PRUNE2: variants seen among roughly 807,000 people sequenced by gnomAD.
The protein encoded by PRUNE2 is protein prune homolog 2.
A neutral mutation model predicts 252.0 loss-of-function variants in PRUNE2; 164 were observed. That is an observed-to-expected ratio of 0.65 (90% CI 0.57 to 0.74). PRUNE2 has a LOEUF of 0.74. PRUNE2 is among the 30% of genes least tolerant of loss of function. The pLI is 0.00. For missense variants in PRUNE2, 3,495 were observed against 3,711.0 expected (o/e 0.94, Z 1.51); for synonymous variants, 1,292 against 1,350.2 (o/e 0.96, Z 0.94).
chr9:76,809,319 AT>A (rs905105300), intron 6 of PRUNE2, among the ~76,000 whole-genome samples: 7 of 152,124 alleles, frequency 4.6e-5, no homozygotes, highest in African/African-American at 1.7e-4. Context: ...CTACTCAATA[AT>A]TTTTTTATTG....
At chr9:76,720,777 G>A (rs1015576172) in intron 6 of PRUNE2, among the ~76,000 whole-genome samples, 1 of 152,134 alleles carries the variant, frequency 6.6e-6, no homozygotes, top group African/African-American at 2.4e-5. Flanking sequence ...AGTCATTTAA[G>A]TGATTTACAT....
At chr9:76,652,309 A>ATAC (rs1217309153) in intron 11 of PRUNE2, 174 bp downstream of exon 11, 1 of 604,866 alleles carries the variant, frequency 1.7e-6, no homozygotes, top group African/African-American at 1.8e-5. Flanking sequence ...TCTGTGACCC[A>ATAC]TACTTTCTCT....
In PRUNE2 at chr9:76,850,468, C is replaced by T. The variant is rs2059899576; in HGVS notation, c.339G>A (p.Leu113=). 2.5e-6 allele frequency: 4 copies of T among 1,613,498 alleles called. No homozygotes were observed. The highest frequency in any genetic ancestry group is 3.4e-6 in the Non-Finnish European group (4 of 1,179,388). ...LSITLVGSSV[L]ASEDKTLESA... ...AGCTTCACAGTGGATCTTACCTCGC[C>T]AGCACACTGCTGCCAACAAGTGTTA... The change falls in exon 3 of 19, where the codon CTG becomes CTA. Residue 113 remains leucine, a synonymous_variant. Coordinates refer to ENST00000376718, the MANE Select transcript of PRUNE2 (RefSeq NM_015225.3).
At chr9:76,863,745 T>C (rs753324382) in intron 1 of PRUNE2, among the ~76,000 whole-genome samples, 15 of 152,194 alleles carry the variant, frequency 9.9e-5, no homozygotes, top group Non-Finnish European at 1.8e-4. Context: ...GCAGCCTAGG[T>C]TCCCTAGCTC....
At chr9:76,794,568 T>G (rs886474844) in intron 6 of PRUNE2, among the ~76,000 whole-genome samples, 1 of 136,248 alleles carries the variant, frequency 7.3e-6, no homozygotes, top group African/African-American at 2.8e-5. Flanking sequence ...TGAGCCCAGA[T>G]CGCACCACTG....
chr9:76,883,760 A>G (rs2061927649), intron 1 of PRUNE2, among the ~76,000 whole-genome samples: 1 of 152,164 alleles, frequency 6.6e-6, no homozygotes, highest in Non-Finnish European at 1.5e-5. Context: ...TTGCAAACTG[A>G]CAAAAGTGGC....
At chr9:76,723,953 G>T (rs373325831) in intron 6 of PRUNE2, among the ~76,000 whole-genome samples, 1 of 151,350 alleles carries the variant, frequency 6.6e-6, no homozygotes, top group East Asian at 2.0e-4. Flanking sequence ...GACTACAGGC[G>T]CCTGCTACCA....
chr9:76,830,844 T>C (rs1279126017), intron 4 of PRUNE2, among the ~76,000 whole-genome samples: 1 of 151,710 alleles, frequency 6.6e-6, no homozygotes, highest in East Asian at 1.9e-4. Context: ...ACTAAAATGA[T>C]GAAAGTCTAA....
chr9:76,835,334 TG>T (rs2058898782), intron 4 of PRUNE2, among the ~76,000 whole-genome samples: 2 of 151,688 alleles, frequency 1.3e-5, no homozygotes, highest in South Asian at 2.1e-4. Context: ...TTTTTCATAT[TG>T]AAAAAAAAGT....
chr9:76,717,684 C>A (rs942825240), intron 6 of PRUNE2, among the ~76,000 whole-genome samples: 13 of 152,146 alleles, frequency 8.5e-5, no homozygotes, highest in Admixed American at 2.6e-4. Context: ...CCACCCCCCC[C>A]ACCAGCCACA....
intron 9 of PRUNE2, among the ~76,000 whole-genome samples, chr9:76,657,526 G>A (rs1399337206): frequency 6.6e-6 from 1 of 152,224 alleles, no homozygotes; most frequent in Non-Finnish European, 1.5e-5. Flanking sequence ...GCCTGGATAT[G>A]AGGTTTTAGT....
intron 9 of PRUNE2, among the ~76,000 whole-genome samples, chr9:76,674,675 A>T (rs377579326): frequency 2.8e-4 from 41 of 145,874 alleles, no homozygotes; most frequent in Non-Finnish European, 4.9e-4. Flanking sequence ...ACTACAAGGC[A>T]ACAGTAACCA....
Position 76,850,467 on chromosome 9 carries a change from C to G in PRUNE2, c.340G>C (p.Ala114Pro). 1 of 1,612,252 alleles carries G rather than the reference C, an allele frequency of 6.2e-7. No homozygotes were observed. Among genetic ancestry groups the G allele is most frequent in the Non-Finnish European group, 8.5e-7 (1 of 1,178,270 alleles). Residue 114 changes from alanine to proline, a missense_variant, in exon 3 of 19, where the codon GCG (alanine) becomes CCG (proline). Coordinates refer to ENST00000376718, the MANE Select transcript of PRUNE2 (RefSeq NM_015225.3). The part of the protein sequence containing the change: ...SITLVGSSVL[A>P]SEDKTLESAV... ...GAGCTTCACAGTGGATCTTACCTCG[C>G]CAGCACACTGCTGCCAACAAGTGTT...
chr9:76,828,248 G>A (rs187968915), intron 4 of PRUNE2, among the ~76,000 whole-genome samples: 1 of 152,214 alleles, frequency 6.6e-6, no homozygotes, highest in African/African-American at 2.4e-5. Flanking sequence ...GATCCAGAAA[G>A]AGCCTGTGCA....
At chr9:76,679,509 C>G (rs796769940) in intron 9 of PRUNE2, among the ~76,000 whole-genome samples, 32 of 152,252 alleles carry the variant, frequency 2.1e-4, no homozygotes, top group African/African-American at 6.7e-4. Context: ...ACTGATATAG[C>G]TGAGCACTGT....
intron 1 of PRUNE2, among the ~76,000 whole-genome samples, chr9:76,867,206 G>A (rs530742588): frequency 2.9e-3 from 119 of 40,794 alleles, no homozygotes; most frequent in South Asian, 5.8e-3. Flanking sequence ...TCAACCCCCC[G>A]CCCCCGCCCC....
At chr9:76,842,320 A>C (rs1748104487) in intron 4 of PRUNE2, among the ~76,000 whole-genome samples, 1 of 152,188 alleles carries the variant, frequency 6.6e-6, no homozygotes, top group African/African-American at 2.4e-5. Flanking sequence ...CTTTCCTTAC[A>C]CCTTACAAAA....
At chr9:76,865,677 C>G (rs1432023815) in intron 1 of PRUNE2, among the ~76,000 whole-genome samples, 1 of 152,120 alleles carries the variant, frequency 6.6e-6, no homozygotes, top group African/African-American at 2.4e-5. Context: ...TATGAAATAA[C>G]AGTATCATGG....
intron 7 of PRUNE2, among the ~76,000 whole-genome samples, chr9:76,712,505 G>T (rs114429966): frequency 6.6e-6 from 1 of 151,124 alleles, no homozygotes; most frequent in Non-Finnish European, 1.5e-5. Context: ...GTGGGGAGAA[G>T]AGAGGAGGAC....
Sources: allele counts gnomAD v4.1 joint callset (sites outside exome capture counted in the v4.1 genomes callset), GRCh38; gene constraint gnomAD v4.1.1; transcripts MANE v1.5; gene names NCBI Gene and HGNC (gene_info 2026-07-23, HGNC 2026-07-21).